The following ADCY2 variants were observed in gnomAD, a reference collection of about 807,000 sequenced individuals.
The protein encoded by ADCY2 is adenylate cyclase 2.
ADCY2 carries 31 observed loss-of-function variants against 125.2 expected under a neutral mutation model. The ratio of observed to expected loss-of-function variants is 0.25; its 90% CI spans 0.19 to 0.33. The LOEUF is 0.33. ADCY2 is among the 10% of genes least tolerant of loss of function. The pLI, the probability that ADCY2 is intolerant of heterozygous loss-of-function variation, is 1.00. For missense variants in ADCY2, 904 were observed against 1,418.2 expected (o/e 0.64, Z 5.82); for synonymous variants, 512 against 548.4 (o/e 0.93, Z 0.93).
intron 7 of ADCY2, among the ~76,000 whole-genome samples, chr5:7,701,428 C>G (rs182315650): frequency 1.1e-4 from 17 of 152,276 alleles, no homozygotes; most frequent in Middle Eastern, 3.4e-3. Context: ...ATTAGAAATA[C>G]TATTACATTT....
intron 15 of ADCY2, among the ~76,000 whole-genome samples, chr5:7,750,880 C>G (rs79251903): frequency 6.6e-4 from 100 of 152,150 alleles, no homozygotes; most frequent in African/African-American, 2.3e-3. Context: ...ACCTCATAAT[C>G]CGCTCTAGGT....
intron 2 of ADCY2, among the ~76,000 whole-genome samples, chr5:7,472,707 G>T (rs1742385089): frequency 6.6e-6 from 1 of 152,092 alleles, no homozygotes; most frequent in Non-Finnish European, 1.5e-5. Context: ...TTGGAGGACT[G>T]ATCAATCTTG....
chr5:7,399,554 C>G (rs1385962593), intron 1 of ADCY2, among the ~76,000 whole-genome samples: 1 of 152,138 alleles, frequency 6.6e-6, no homozygotes, highest in Non-Finnish European at 1.5e-5. Context: ...TGAATTGAAA[C>G]TTCACAGTCT....
intron 2 of ADCY2, among the ~76,000 whole-genome samples, chr5:7,431,218 A>G (rs1221651397): frequency 6.6e-6 from 1 of 152,232 alleles, no homozygotes; most frequent in African/African-American, 2.4e-5. Context: ...GGGATACACT[A>G]GACTATCCGG....
chr5:7,449,118 T>G (rs115819577), intron 2 of ADCY2, among the ~76,000 whole-genome samples: 1,647 of 152,288 alleles, frequency 0.011, 32 homozygotes, highest in African/African-American at 0.038. Context: ...TTTTTTTCCC[T>G]CTGCAACCTT....
intron 3 of ADCY2, among the ~76,000 whole-genome samples, chr5:7,599,895 GC>G (rs1448922729): frequency 1.3e-5 from 2 of 152,200 alleles, no homozygotes; most frequent in Non-Finnish European, 2.9e-5. Context: ...CTGGGATTTG[GC>G]AATTGGAAAG....
intron 2 of ADCY2, among the ~76,000 whole-genome samples, chr5:7,493,832 C>A (rs1455882946): frequency 6.6e-6 from 1 of 152,152 alleles, no homozygotes; most frequent in Non-Finnish European, 1.5e-5. Flanking sequence ...CCATCTCTAG[C>A]AACCCTGGCC....
Position 7,628,561 on chromosome 5 carries a change from A to C in ADCY2, c.720+2245A>C, listed in dbSNP as rs189553226. 4.9e-3 allele frequency among the ~76,000 whole-genome samples: 749 copies of C among 152,306 alleles called. 9 individuals carry two copies. Among genetic ancestry groups the C allele is most frequent in the Non-Finnish European group, 4.9e-3 (335 of 68,020 alleles). ...ATCTACTAGTTTCAGAAAAGAAGTCAGTGATTCTTTTAAAAATAAAGAAAG... is the reference window on the plus strand; with the variant it reads ...ATCTACTAGTTTCAGAAAAGAAGTCCGTGATTCTTTTAAAAATAAAGAAAG... On this transcript the variant is annotated intron_variant, in intron 4 of 24. Coordinates refer to ENST00000338316, the MANE Select transcript of ADCY2 (RefSeq NM_020546.3).
chr5:7,610,612 T>A (rs1033965768), intron 3 of ADCY2, among the ~76,000 whole-genome samples: 9 of 151,582 alleles, frequency 5.9e-5, no homozygotes, highest in Admixed American at 5.2e-4. Flanking sequence ...ATGGAGAAGA[T>A]GGAAGGATGT....
intron 4 of ADCY2, among the ~76,000 whole-genome samples, chr5:7,687,082 A>G (rs1740543480): frequency 6.6e-6 from 1 of 152,230 alleles, no homozygotes; most frequent in Non-Finnish European, 1.5e-5. Context: ...CAACGTCTTC[A>G]TTTCAGCTTA....
At chr5:7,589,524 G>GAAAGAAAGAAAGAAAAGAA (rs1554022167) in intron 3 of ADCY2, among the ~76,000 whole-genome samples, 1 of 67,868 alleles carries the variant, frequency 1.5e-5, no homozygotes, top group Non-Finnish European at 3.4e-5. Flanking sequence ...AGAAAAGAAA[G>GAAAGAAAGAAAGAAAAGAA]AGAAAGAAAG....
Position 7,642,877 on chromosome 5 carries a change from T to A in ADCY2, c.720+16561T>A, listed in dbSNP as rs184551917. Among the ~76,000 whole-genome samples the A allele has an allele frequency of 7.4e-3, 1,131 of 151,992 alleles. 5 individuals carry two copies. Among genetic ancestry groups the A allele is most frequent in the Middle Eastern group, 0.037 (11 of 294 alleles). On this transcript the variant is annotated intron_variant, in intron 4 of 24. Transcript: ENST00000338316. ...CTAAGTTTCATAATCAAAGGAGAAA[T>A]AAAATATTTTCCAGACAAGCAGGCA...
intron 2 of ADCY2, among the ~76,000 whole-genome samples, chr5:7,507,303 T>G: frequency 7.1e-6 from 1 of 141,296 alleles, no homozygotes; most frequent in Admixed American, 6.9e-5. Context: ...TAGCCGGGCG[T>G]AGTGGCGGGC....
chr5:7,513,621 A>G (rs1359752158), intron 2 of ADCY2, among the ~76,000 whole-genome samples: 1 of 152,206 alleles, frequency 6.6e-6, no homozygotes, highest in Non-Finnish European at 1.5e-5. Context: ...AGAATGCTCA[A>G]TTAGATTAAT....
At chr5:7,411,753 C>T (rs1279152148) in intron 1 of ADCY2, among the ~76,000 whole-genome samples, 1 of 152,178 alleles carries the variant, frequency 6.6e-6, no homozygotes, top group African/African-American at 2.4e-5. Context: ...GACACTGGGT[C>T]TCTGTCTTGT....
chr5:7,687,648 G>A (rs1740560554), intron 4 of ADCY2, among the ~76,000 whole-genome samples: 1 of 152,134 alleles, frequency 6.6e-6, no homozygotes. Flanking sequence ...AAAAGCTGGA[G>A]TATTTATTCA....
At chr5:7,615,700 A>G (rs1429004566) in intron 3 of ADCY2, among the ~76,000 whole-genome samples, 1 of 152,242 alleles carries the variant, frequency 6.6e-6, no homozygotes, top group Non-Finnish European at 1.5e-5. Flanking sequence ...AGGGAAATAC[A>G]AAGATGCTCA....
intron 2 of ADCY2, among the ~76,000 whole-genome samples, chr5:7,449,029 T>G (rs949347218): frequency 1.3e-5 from 2 of 152,228 alleles, no homozygotes; most frequent in African/African-American, 4.8e-5. Flanking sequence ...GTATTTCTGC[T>G]TCTAGACCTC....
intron 2 of ADCY2, among the ~76,000 whole-genome samples, chr5:7,510,998 G>A (rs1330221207): frequency 2.0e-5 from 3 of 152,132 alleles, no homozygotes; most frequent in African/African-American, 4.8e-5. Flanking sequence ...GGACTTCCAC[G>A]TTGCTGAGAA....
Sources: gnomAD v4.1 joint callset for allele counts (sites outside exome capture counted in the v4.1 genomes callset) on GRCh38, gnomAD v4.1.1 for gene constraint, MANE v1.5 for transcripts, NCBI Gene and HGNC (gene_info 2026-07-23, HGNC 2026-07-21) for gene names.